The following INPP4B variants were observed in gnomAD, a reference collection of about 807,000 sequenced individuals.
INPP4B encodes the protein inositol polyphosphate-4-phosphatase type II B, also known as inositol polyphosphate 4-phosphatase type II.
Under a neutral mutation model 122.5 loss-of-function variants are expected in INPP4B, and 55 were observed. The observed-to-expected ratio is 0.45, with a 90% CI of 0.36 to 0.56. The LOEUF is 0.56. Among genes scored for constraint, INPP4B ranks in the 20% least tolerant of loss-of-function variants. The probability of loss-of-function intolerance (pLI) is 0.00; values close to 1 mark genes in which losing one functional copy is unlikely to be tolerated. For missense variants in INPP4B, 1,000 were observed against 1,097.7 expected, an observed-to-expected ratio of 0.91 and a Z score of 1.26; for synonymous variants, 403 against 388.7, an observed-to-expected ratio of 1.04 and a Z score of -0.43.
chr4:142,687,984 GT>G (rs559953871), intron 2 of INPP4B, among the ~76,000 whole-genome samples: 40 of 152,044 alleles, frequency 2.6e-4, no homozygotes, highest in East Asian at 1.9e-4. Flanking sequence ...CATTCTTTGT[GT>G]TTTTGCCTTG....
chr4:142,111,477 G>A (rs1040560556), intron 22 of INPP4B, among the ~76,000 whole-genome samples: 4 of 151,650 alleles, frequency 2.6e-5, no homozygotes, highest in African/African-American at 9.7e-5. Flanking sequence ...CTCCCAAATA[G>A]CTGAGATTAC....
chr4:142,726,069 A>C (rs1277809498), intron 1 of INPP4B, among the ~76,000 whole-genome samples, 168 bp from the exon 2 acceptor site: 1 of 152,170 alleles, frequency 6.6e-6, no homozygotes, highest in Non-Finnish European at 1.5e-5. Context: ...TTAAATGCCA[A>C]ATCACTTCCC....
At chr4:142,135,645 G>A (rs1803703187) in intron 18 of INPP4B, among the ~76,000 whole-genome samples, 1 of 152,144 alleles carries the variant, frequency 6.6e-6, no homozygotes, top group Non-Finnish European at 1.5e-5. Context: ...AAGCCTTGCA[G>A]AAAGTGTGAC....
At chr4:142,598,510 A>T (rs1422461469) in intron 2 of INPP4B, among the ~76,000 whole-genome samples, 1 of 151,960 alleles carries the variant, frequency 6.6e-6, no homozygotes, top group Non-Finnish European at 1.5e-5. Flanking sequence ...TCCCATTCCC[A>T]CCAAAGGACT....
At chr4:142,388,629 T>A (rs1796698200) in intron 7 of INPP4B, among the ~76,000 whole-genome samples, 1 of 152,198 alleles carries the variant, frequency 6.6e-6, no homozygotes, top group Admixed American at 6.5e-5. Flanking sequence ...AGTTATCTGA[T>A]GTTTTTGACT....
chr4:142,827,544 T>C (rs1183797765), intron 1 of INPP4B, among the ~76,000 whole-genome samples: 1 of 152,134 alleles, frequency 6.6e-6, no homozygotes, highest in African/African-American at 2.4e-5. Context: ...CCCAAGTACA[T>C]TACAGCTGTA....
chr4:142,758,277 T>C (rs746322101), intron 1 of INPP4B, among the ~76,000 whole-genome samples: 7 of 152,122 alleles, frequency 4.6e-5, no homozygotes, highest in Non-Finnish European at 8.8e-5. Flanking sequence ...CATATTTATG[T>C]TGAATAGTTA....
At chr4:142,561,760 G>T (rs1045811771) in intron 2 of INPP4B, among the ~76,000 whole-genome samples, 1 of 152,178 alleles carries the variant, frequency 6.6e-6, no homozygotes, top group Non-Finnish European at 1.5e-5. Flanking sequence ...AATGGAGAAA[G>T]AAATAGAATG....
chr4:142,166,679 TAAAC>T (rs1244302592), intron 16 of INPP4B, among the ~76,000 whole-genome samples: 1 of 150,686 alleles, frequency 6.6e-6, no homozygotes, highest in Non-Finnish European at 1.5e-5. Context: ...ACAAGGAACT[TAAAC>T]AAATTTACAA....
chr4:142,499,147 C>T (rs1299342622), intron 2 of INPP4B, among the ~76,000 whole-genome samples: 1 of 152,064 alleles, frequency 6.6e-6, no homozygotes, highest in Non-Finnish European at 1.5e-5. Context: ...CTGTGATCTG[C>T]CTTGGATCTG....
At chr4:142,071,750 T>C (rs1687411900) in intron 25 of INPP4B, among the ~76,000 whole-genome samples, 1 of 152,204 alleles carries the variant, frequency 6.6e-6, no homozygotes, top group Non-Finnish European at 1.5e-5. Context: ...TTATCATCAC[T>C]GGCCATCAGA....
At chr4:142,471,054 C>A (rs566656723) in intron 2 of INPP4B, among the ~76,000 whole-genome samples, 2 of 152,118 alleles carry the variant, frequency 1.3e-5, no homozygotes, top group Non-Finnish European at 2.9e-5. Context: ...TCATTTATGA[C>A]TATGGTTTGT....
intron 3 of INPP4B, among the ~76,000 whole-genome samples, chr4:142,437,449 C>T (rs965837637): frequency 6.6e-6 from 1 of 151,990 alleles, no homozygotes; most frequent in Non-Finnish European, 1.5e-5. Context: ...CCCCAAGACA[C>T]ATAATCACCA....
chr4:142,228,250 T>C (rs901295304), intron 12 of INPP4B, among the ~76,000 whole-genome samples: 3 of 151,850 alleles, frequency 2.0e-5, no homozygotes, highest in Non-Finnish European at 2.9e-5. Context: ...AAAGAAAAAA[T>C]TAAGACAACA....
chr4:142,547,920 C>T (rs1462051175), intron 2 of INPP4B, among the ~76,000 whole-genome samples: 2 of 152,076 alleles, frequency 1.3e-5, no homozygotes. Flanking sequence ...AAAAACAATG[C>T]AAGTTTATGA....
intron 2 of INPP4B, among the ~76,000 whole-genome samples, chr4:142,717,930 TG>T: frequency 6.8e-6 from 1 of 147,436 alleles, no homozygotes; most frequent in Non-Finnish European, 1.5e-5. Context: ...AAAAAAGAAT[TG>T]CCCCTTGTAC....
chr4:142,696,296 G>A (rs752289631), intron 2 of INPP4B, among the ~76,000 whole-genome samples: 1 of 152,078 alleles, frequency 6.6e-6, no homozygotes, highest in Non-Finnish European at 1.5e-5. Flanking sequence ...GGGCCAGAAA[G>A]CCCCAGGAGA....
chr4:142,737,413 AG>A (rs1383642939), intron 1 of INPP4B, among the ~76,000 whole-genome samples: 2 of 152,218 alleles, frequency 1.3e-5, no homozygotes, highest in African/African-American at 4.8e-5. Context: ...AGCTATATGT[AG>A]AAAGCTGAAA....
intron 1 of INPP4B, among the ~76,000 whole-genome samples, chr4:142,729,105 T>C (rs1867214): frequency 0.66 from 100,607 of 152,040 alleles, 33,491 homozygotes; most frequent in East Asian, 0.81. Context: ...GCACGTAACC[T>C]AGATCCCTTG....
Sources: allele counts gnomAD v4.1 joint callset (sites outside exome capture counted in the v4.1 genomes callset), GRCh38; gene constraint gnomAD v4.1.1; transcripts MANE v1.5; gene names NCBI Gene and HGNC (gene_info 2026-07-23, HGNC 2026-07-21).